The following RAPGEF4 variants were observed in gnomAD, a reference collection of about 807,000 sequenced individuals.
The protein encoded by RAPGEF4 is Rap guanine nucleotide exchange factor 4, also known as RAP guanine-nucleotide-exchange factor (GEF) 4.
In RAPGEF4, 66 loss-of-function variants were observed where a neutral mutation model predicts 147.9. The observed-to-expected ratio is 0.45, with a 90% CI of 0.37 to 0.55. RAPGEF4 has a LOEUF of 0.55. Ranked by LOEUF, RAPGEF4 falls within the 20% of genes least tolerant of loss-of-function variation. The pLI is 0.00. For synonymous variants in RAPGEF4, 419 were observed against 442.7 expected (o/e 0.95, Z 0.67); for missense variants, 1,071 against 1,257.3 (o/e 0.85, Z 2.24).
chr2:172,888,205 T>C (rs572453148), intron 4 of RAPGEF4, among the ~76,000 whole-genome samples: 68 of 152,324 alleles, frequency 4.5e-4, no homozygotes, highest in South Asian at 3.9e-3. Flanking sequence ...GGAGAAATTA[T>C]AGAAGGTTTA....
chr2:172,969,447 G>A (rs1270351333), intron 10 of RAPGEF4, among the ~76,000 whole-genome samples: 1 of 152,138 alleles, frequency 6.6e-6, no homozygotes, highest in Non-Finnish European at 1.5e-5. Flanking sequence ...AACCTGGTGT[G>A]GAACTTAGTA....
intron 4 of RAPGEF4, among the ~76,000 whole-genome samples, chr2:172,843,440 C>T (rs930621253): frequency 6.6e-6 from 1 of 152,132 alleles, no homozygotes; most frequent in African/African-American, 2.4e-5. Context: ...AGATAAAGGA[C>T]ATAATTGATT....
chr2:172,928,151 C>T (rs1169046252), intron 6 of RAPGEF4: 2 of 451,590 alleles, frequency 4.4e-6, no homozygotes, highest in Non-Finnish European at 8.9e-6. Flanking sequence ...TAGAAAATAC[C>T]GTGACTTCAT....
chr2:173,025,631 CAG>C (rs1311419804), intron 23 of RAPGEF4, among the ~76,000 whole-genome samples: 1 of 152,112 alleles, frequency 6.6e-6, no homozygotes, highest in Non-Finnish European at 1.5e-5. Flanking sequence ...TCAGTAGAGA[CAG>C]GGTTTCGCCA....
intron 5 of RAPGEF4, among the ~76,000 whole-genome samples, chr2:172,921,978 G>A (rs1485145233): frequency 6.6e-6 from 1 of 152,174 alleles, no homozygotes; most frequent in African/African-American, 2.4e-5. Context: ...GGAATTAGTT[G>A]TTTTCATGGT....
chr2:173,029,364 T>C (rs914101148), intron 25 of RAPGEF4, among the ~76,000 whole-genome samples: 1 of 152,258 alleles, frequency 6.6e-6, no homozygotes, highest in African/African-American at 2.4e-5. Context: ...GCAAAATGAA[T>C]TCTTTCCCTT....
At chr2:172,821,737 TAAAAAAAAAAAAAAA>T (rs35414922) in intron 4 of RAPGEF4, 1 of 819,300 alleles carries the variant, frequency 1.2e-6, no homozygotes, top group Non-Finnish European at 1.4e-6. Context: ...TAACTAAAGT[TAAAAAAAAAAAAAAA>T]AAAAAAAAAG....
intron 6 of RAPGEF4, among the ~76,000 whole-genome samples, chr2:172,938,191 G>A (rs1220329628): frequency 6.7e-6 from 1 of 148,982 alleles, no homozygotes; most frequent in Non-Finnish European, 1.5e-5. Flanking sequence ...ATCCTAACCT[G>A]TGCATATACA....
At chr2:172,986,919 A>G (rs1692322210) in intron 12 of RAPGEF4, among the ~76,000 whole-genome samples, 1 of 152,088 alleles carries the variant, frequency 6.6e-6, no homozygotes. Context: ...GCTGGTCTCA[A>G]ACTCCTGAGT....
intron 10 of RAPGEF4, among the ~76,000 whole-genome samples, chr2:172,972,721 G>T (rs1425499700): frequency 6.6e-6 from 1 of 152,180 alleles, no homozygotes; most frequent in African/African-American, 2.4e-5. Flanking sequence ...TTAAGATTCA[G>T]GAGAGGGGAG....
chr2:172,987,623 A>G (rs780109523), intron 12 of RAPGEF4, among the ~76,000 whole-genome samples: 1 of 152,226 alleles, frequency 6.6e-6, no homozygotes, highest in Non-Finnish European at 1.5e-5. Context: ...TAGGATTTAC[A>G]TTGTATTAGC....
chr2:172,999,468 A>T (rs908491819), intron 16 of RAPGEF4, among the ~76,000 whole-genome samples: 1 of 152,332 alleles, frequency 6.6e-6, no homozygotes, highest in East Asian at 1.9e-4. Context: ...AGTTGTTTAC[A>T]TCATAAAAAT....
In RAPGEF4 at chr2:172,786,899, A is replaced by G. The variant is rs963118274; in HGVS notation, c.66-8126A>G. Among the ~76,000 whole-genome samples, 10 of 152,252 alleles carry G rather than the reference A, an allele frequency of 6.6e-5. No individual in the cohort carries two copies. The South Asian group carries it at 1.7e-3, about 25-fold the overall frequency. On this transcript the variant is annotated intron_variant, in intron 1 of 30. Coordinates refer to ENST00000397081, the MANE Select transcript of RAPGEF4 (RefSeq NM_007023.4). Reference sequence around the variant, plus strand: ...AAGACCGCCATCTCTAAAAAAATAAAATAAACTTAACTTTAAAACCCTATT... The same window carrying G: ...AAGACCGCCATCTCTAAAAAAATAAGATAAACTTAACTTTAAAACCCTATT...
intron 8 of RAPGEF4, among the ~76,000 whole-genome samples, chr2:172,964,839 T>C (rs777960166): frequency 6.6e-6 from 1 of 152,220 alleles, no homozygotes; most frequent in Non-Finnish European, 1.5e-5. Context: ...TATATACTTA[T>C]GCATTTCCTA....
chr2:172,886,989 A>G (rs1382441490), intron 4 of RAPGEF4, among the ~76,000 whole-genome samples: 1 of 152,134 alleles, frequency 6.6e-6, no homozygotes, highest in East Asian at 1.9e-4. Context: ...GGAGTTTGAC[A>G]CCAACGTGGC....
chr2:172,768,442 G>T (rs910142223), intron 1 of RAPGEF4, among the ~76,000 whole-genome samples: 2 of 150,476 alleles, frequency 1.3e-5, no homozygotes, highest in African/African-American at 4.9e-5. Flanking sequence ...TCACATTTTT[G>T]AACAATTCCA....
At chr2:172,794,932 G>A (rs1686221574) in intron 1 of RAPGEF4, 93 bp from the exon 2 acceptor site, 3 of 1,253,976 alleles carry the variant, frequency 2.4e-6, no homozygotes, top group Admixed American at 4.5e-5. Context: ...GGGATATTTG[G>A]GTAAATTTGA....
At chr2:172,809,744 G>A (rs992813896) in intron 3 of RAPGEF4, among the ~76,000 whole-genome samples, 2 of 152,074 alleles carry the variant, frequency 1.3e-5, no homozygotes, top group African/African-American at 4.8e-5. Context: ...TGTTGCCCAG[G>A]CTGGTCTTAA....
chr2:172,946,303 T>C (rs1687671829), intron 6 of RAPGEF4, among the ~76,000 whole-genome samples: 1 of 152,178 alleles, frequency 6.6e-6, no homozygotes, highest in Non-Finnish European at 1.5e-5. Flanking sequence ...AACACAATTA[T>C]CTTTGACTGG....
Sources: allele counts gnomAD v4.1 joint callset (sites outside exome capture counted in the v4.1 genomes callset), GRCh38; gene constraint gnomAD v4.1.1; transcripts MANE v1.5; gene names NCBI Gene and HGNC (gene_info 2026-07-23, HGNC 2026-07-21).